Variants in TELO2 observed in about 807,000 individuals in gnomAD.
TELO2 encodes telomere length regulation protein TEL2 homolog.
TELO2 carries 71 observed loss-of-function variants against 91.0 expected under a neutral mutation model. The observed-to-expected ratio is 0.78, with a 90% CI of 0.64 to 0.95. The LOEUF (loss-of-function observed/expected upper bound fraction) is 0.95. Among genes scored for constraint, TELO2 ranks in the 40% least tolerant of loss-of-function variants. The pLI is 0.00. For synonymous variants in TELO2, 584 were observed against 518.9 expected (o/e 1.13, Z -1.71); for missense variants, 1,183 against 1,141.3 (o/e 1.04, Z -0.53).
intron 12 of TELO2, 44 bp downstream of exon 12, chr16:1,502,179 T>TC (rs777320901): frequency 1.2e-6 from 2 of 1,607,994 alleles, no homozygotes; most frequent in African/African-American, 2.7e-5. Flanking sequence ...TGGGCATGGG[T>TC]CCCGCTCACA....
rs776371581 is a variant in TELO2 at position 1,499,341 on chromosome 16, C to T, written c.933+8C>T. 4.8e-5 allele frequency: 76 copies of T among 1,593,248 alleles called. 1 individual carries two copies. The highest frequency in any genetic ancestry group is 5.9e-5 in the Non-Finnish European group (69 of 1,173,950). ...TTACAGTCCCGGCTCACGGTGAGGA[C>T]GCCACGGAGGGTGCAGGCTGCTGGC... On this transcript the variant is annotated splice_region_variant and intron_variant, in intron 6 of 20. Coordinates refer to ENST00000262319, the MANE Select transcript of TELO2 (RefSeq NM_016111.4).
At chr16:1,501,546 G>T (rs1031347535) in intron 10 of TELO2, 47 bp downstream of exon 10, 5 of 1,577,070 alleles carry the variant, frequency 3.2e-6, no homozygotes, top group Non-Finnish European at 4.3e-6. Context: ...ACATCTTACT[G>T]CTCTGGATTC....
At chr16:1,507,887 T>TGTGG (rs1567308027) in intron 20 of TELO2, among the ~76,000 whole-genome samples, 171 bp downstream of exon 20, 176 of 107,876 alleles carry the variant, frequency 1.6e-3, no homozygotes, top group South Asian at 4.4e-3. Flanking sequence ...TGTGTGTGTG[T>TGTGG]GTGTGTGATG....
Position 1,501,886 on chromosome 16 carries a change from T to G in TELO2, c.1472+113T>G. The G allele has an allele frequency of 2.1e-6, 3 of 1,451,816 alleles. No homozygotes were observed. The Admixed American group carries it at 5.7e-5, about 27-fold the overall frequency. 89.9% of individuals were successfully genotyped at this position (1,451,816 alleles called of 1,614,324 possible). On this transcript the variant is annotated intron_variant, in intron 11 of 20. Transcript: ENST00000262319. ...CCCTGCCTGCTCCGTGCTTCTTCTC[T>G]TTCGTCCTCATGTGAGGGCCCGCAG...
chr16:1,501,691 C>A lies in TELO2; in HGVS notation c.1390C>A (p.Pro464Thr), dbSNP rs1482865513. ...GTSLVPATAE[P>T]PAETPAEIVD... ...GTCCCTCGTTCCAGCCACGGCAGAG[C>A]CCCCTGCAGAGACCCCCGCAGAGAT... Residue 464 changes from proline to threonine, a missense_variant, in exon 11 of 21, where the codon CCC (proline) becomes ACC (threonine). Coordinates refer to ENST00000262319, the MANE Select transcript of TELO2 (RefSeq NM_016111.4). 1 of 1,611,318 alleles carries A rather than the reference C, an allele frequency of 6.2e-7. No individual in the cohort carries two copies. Among genetic ancestry groups the A allele is most frequent in the Non-Finnish European group, 8.5e-7 (1 of 1,179,188 alleles).
intron 20 of TELO2, among the ~76,000 whole-genome samples, chr16:1,508,114 C>T (rs1466797183): frequency 2.6e-5 from 4 of 152,042 alleles, no homozygotes; most frequent in South Asian, 2.1e-4. Context: ...CCCCTCCGGC[C>T]GGTGCAGTCC....
intron 19 of TELO2, 83 bp from the exon 20 acceptor site, chr16:1,507,518 G>A (rs1309706592): frequency 8.5e-5 from 126 of 1,484,392 alleles, no homozygotes; most frequent in East Asian, 1.9e-4. Flanking sequence ...GGGCCGCAGC[G>A]TGGGTGGTCT....
At chr16:1,503,444 G>A (rs918564863) in intron 15 of TELO2, among the ~76,000 whole-genome samples, 33 of 152,064 alleles carry the variant, frequency 2.2e-4, no homozygotes, top group African/African-American at 7.0e-4. Flanking sequence ...CCAGTTACTC[G>A]GGAGGCTGGG....
Position 1,500,361 on chromosome 16 carries a change from G to A in TELO2, c.1017G>A (p.Leu339=), listed in dbSNP as rs777354726. Reference sequence around the variant, plus strand: ...GCCACCTGCAGGTGCTGAAGGAGCTGTTGGAGACGTGGGGCAGCAGCAGTG... The same window carrying A: ...GCCACCTGCAGGTGCTGAAGGAGCTATTGGAGACGTGGGGCAGCAGCAGTG... ...RPLLLQVLKE[L]LETWGSSSAI... Residue 339 remains leucine, a synonymous_variant, in exon 8 of 21, where the codon CTG becomes CTA. Coordinates refer to ENST00000262319, the MANE Select transcript of TELO2 (RefSeq NM_016111.4). 1 of 1,592,904 alleles carries A rather than the reference G, an allele frequency of 6.3e-7. No homozygotes were observed.
At chr16:1,496,144 C>T (rs942479641) in intron 3 of TELO2, among the ~76,000 whole-genome samples, 8 of 152,232 alleles carry the variant, frequency 5.3e-5, no homozygotes, top group African/African-American at 9.6e-5. Flanking sequence ...CTTCTCTTGC[C>T]TTTCCCGAGC....
chr16:1,506,487 G>A lies in TELO2; in HGVS notation c.2126+158G>A. The A allele has an allele frequency of 2.0e-6, 3 of 1,484,532 alleles. No individual in the cohort carries two copies. In the East Asian group the frequency reaches 7.4e-5, roughly 36 times the overall value. The allele number at this position is 1,484,532 out of a possible 1,614,324, so 92.0% of individuals were successfully genotyped here. On this transcript the variant is annotated intron_variant, in intron 17 of 20. Coordinates refer to ENST00000262319, the MANE Select transcript of TELO2 (RefSeq NM_016111.4). ...GTAAGCCTGTGTTAAATGGCAGGGA[G>A]CGTCCCGCAAGATTCCTCTGTGGTT...
chr16:1,509,926 C>G lies in TELO2; in HGVS notation c.2504C>G (p.Ala835Gly). Residue 835 changes from alanine (A) to glycine (G), a missense_variant, in exon 21 of 21, where the codon GCG becomes GGG. By Grantham distance (60) the Ala-to-Gly change is moderately conservative (BLOSUM62 0). Transcript: ENST00000262319. ...QRLKNRLLPPASP is the reference protein window; with the variant it reads ...QRLKNRLLPPGSP ...CTCAAGAACAGGCTCCTCCCACCCG[C>G]GTCTCCCTAGTCCCTGGAGGCCTCC... is the stretch of plus-strand genomic sequence containing the variant. The G allele has an allele frequency of 6.3e-7, 1 of 1,596,898 alleles. No homozygotes were observed. The highest frequency in any genetic ancestry group is 8.5e-7 in the Non-Finnish European group (1 of 1,172,440).
chr16:1,496,506 C>T (rs955030464), intron 3 of TELO2, among the ~76,000 whole-genome samples: 4 of 152,238 alleles, frequency 2.6e-5, no homozygotes, highest in Admixed American at 2.6e-4. Context: ...GGCTTTTTCA[C>T]GTGTTCGGGG....
In TELO2 at chr16:1,505,957, C is replaced by A. The variant is rs554543214; in HGVS notation, c.2035-281C>A. On this transcript the variant is annotated intron_variant, in intron 16 of 20. Transcript: ENST00000262319. This position sits in a 1 kb window ranked among gnomAD's most constrained non-coding sequence, Gnocchi z 4.3. ...GTGGGTTGGAGGCCACGGAGGCATC[C>A]TGCAGTGCCCAGGGCGGCCTCCCCA... 9.8e-5 allele frequency among the ~76,000 whole-genome samples: 15 copies of A among 152,308 alleles called. No individual in the cohort carries two copies. The highest frequency in any genetic ancestry group is 3.6e-4 in the African/African-American group (15 of 41,566).
intron 17 of TELO2, 121 bp from the exon 18 acceptor site, chr16:1,506,831 A>C: frequency 7.0e-7 from 1 of 1,428,548 alleles, no homozygotes; most frequent in East Asian, 2.6e-5. Flanking sequence ...GGTGCAGGCA[A>C]GGCGGTGGGC....
chr16:1,502,056 GTT>G lies in TELO2; in HGVS notation c.1484_1485del (p.Phe495CysfsTer31). On this transcript the variant is annotated frameshift_variant, in exon 12 of 21. Transcript: ENST00000262319. LOFTEE classifies it high-confidence loss of function. ...CTTTGCTCTCCCACAGCGATGATGAGTTTGTCCCCTACGACATGTCGGGGGAC... is the reference window on the plus strand; with the variant it reads ...CTTTGCTCTCCCACAGCGATGATGAGTGTCCCCTACGACATGTCGGGGGAC... Reference protein sequence around the residue: ...SDSDLDSDDEFVPYDMSGDRE... With the variant: ...SDSDLDSDDEXVPYDMSGDRE... 6.2e-7 allele frequency: 1 copy of G among 1,613,354 alleles called. No individual in the cohort carries two copies. The highest frequency in any genetic ancestry group is 8.5e-7 in the Non-Finnish European group (1 of 1,179,980).
At chr16:1,496,890 G>C in intron 3 of TELO2, 146 bp from the exon 4 acceptor site, 2 of 719,110 alleles carry the variant, frequency 2.8e-6, no homozygotes, top group East Asian at 5.4e-5. Context: ...AGATTTGCTG[G>C]GTAGGCTGAT....
chr16:1,497,492 G>C lies in TELO2; in HGVS notation c.814G>C (p.Val272Leu). The change falls in exon 5 of 21, where the codon GTG becomes CTG. Residue 272 changes from valine to leucine, a missense_variant. Coordinates refer to ENST00000262319, the MANE Select transcript of TELO2 (RefSeq NM_016111.4). This position sits in a 1 kb window ranked among gnomAD's most constrained non-coding sequence, Gnocchi z 4.0. ...CATGGAGGCTGTGCTGACCGGGCTG[G>C]TGGAGGCCGCACTGGGGTAAGCAGC... ...RAMEAVLTGLVEAALGPEVLS... is the reference protein window; with the variant it reads ...RAMEAVLTGLLEAALGPEVLS... 1 of 1,570,798 alleles carries C rather than the reference G, an allele frequency of 6.4e-7. No homozygotes were observed. The highest frequency in any genetic ancestry group is 1.4e-5 in the African/African-American group (1 of 73,934).
chr16:1,502,552 C>A, intron 13 of TELO2, 93 bp from the exon 14 acceptor site: 1 of 1,530,602 alleles, frequency 6.5e-7, no homozygotes, highest in South Asian at 1.2e-5. Context: ...GGGGCCTCTG[C>A]TGGGGTGGGT....
Sources: allele counts gnomAD v4.1 joint callset (sites outside exome capture counted in the v4.1 genomes callset), GRCh38; gene constraint gnomAD v4.1.1; non-coding constraint Gnocchi (gnomAD v3.1); transcripts MANE v1.5; gene names NCBI Gene and HGNC (gene_info 2026-07-23, HGNC 2026-07-21).